Variants in PAX8 observed in about 807,000 individuals in gnomAD.
PAX8 encodes paired box 8, also known as paired box protein Pax-8.
In PAX8, 15 loss-of-function variants were observed where a neutral mutation model predicts 52.4. The ratio of observed to expected loss-of-function variants is 0.29; its 90% confidence interval spans 0.19 to 0.44. PAX8 has a LOEUF of 0.44. Ranked by LOEUF, PAX8 falls within the 20% of genes least tolerant of loss-of-function variation. The pLI, the probability that PAX8 is intolerant of heterozygous loss-of-function variation, is 1.00. For missense variants in PAX8, 554 were observed against 602.5 expected (o/e 0.92, Z 0.84); for synonymous variants, 284 against 249.7 (o/e 1.14, Z -1.29).
At chr2:113,222,932 C>T (rs1413609209) in intron 10 of PAX8, among the ~76,000 whole-genome samples, 1 of 151,934 alleles carries the variant, frequency 6.6e-6, no homozygotes, top group Non-Finnish European at 1.5e-5. Context: ...TGCTTTGTAA[C>T]TCAGTTGTCT....
At chr2:113,250,336 G>C (rs991535900) in intron 2 of PAX8, among the ~76,000 whole-genome samples, 9 of 151,688 alleles carry the variant, frequency 5.9e-5, no homozygotes, top group Admixed American at 1.3e-4. Flanking sequence ...AACAAATCTT[G>C]CTATAAATGT....
At chr2:113,263,818 T>C (rs1692862519) in intron 2 of PAX8, among the ~76,000 whole-genome samples, 1 of 152,148 alleles carries the variant, frequency 6.6e-6, no homozygotes, top group African/African-American at 2.4e-5. Flanking sequence ...AAAAAATCCC[T>C]GGGAGCTTGT....
chr2:113,235,314 A>G (rs559830742), intron 9 of PAX8, 80 bp downstream of exon 9: 2 of 1,225,010 alleles, frequency 1.6e-6, no homozygotes, highest in South Asian at 1.5e-5. Flanking sequence ...GAGGCCAGAG[A>G]GGGGGCTGGC....
intron 2 of PAX8, among the ~76,000 whole-genome samples, chr2:113,257,625 T>A (rs763520351): frequency 6.6e-6 from 1 of 151,952 alleles, no homozygotes; most frequent in Admixed American, 6.6e-5. Flanking sequence ...GATAAAGAGG[T>A]TTCCCTTGGA....
chr2:113,235,288 G>A (rs931085686), intron 9 of PAX8, 106 bp downstream of exon 9: 11 of 908,558 alleles, frequency 1.2e-5, no homozygotes, highest in Admixed American at 2.8e-5. Context: ...GGAACAGGGT[G>A]GGGGTGGATG....
intron 9 of PAX8, among the ~76,000 whole-genome samples, chr2:113,234,219 G>T (rs556803043): frequency 6.6e-6 from 1 of 152,316 alleles, no homozygotes; most frequent in African/African-American, 2.4e-5. Context: ...AAGACCATAT[G>T]GGTCTCTGCT....
In PAX8 at chr2:113,242,775, G is replaced by T; in HGVS notation, c.393C>A (p.Ile131=). 1 of 1,612,680 alleles carries T rather than the reference G, an allele frequency of 6.2e-7. No homozygotes were observed. Among genetic ancestry groups the T allele is most frequent in the South Asian group, 1.1e-5 (1 of 91,032 alleles). ...ATGGTTGCTGCACTTTGGTCCGGATGATTCTGTGATGAAGAGAAGAAAGGC... is the reference window on the plus strand; with the variant it reads ...ATGGTTGCTGCACTTTGGTCCGGATTATTCTGTGATGAAGAGAAGAAAGGC... ...TVPSVSSINR[I]IRTKVQQPFN... Residue 131 remains isoleucine (I), a synonymous_variant, in exon 5 of 12, where the codon ATC becomes ATA. Transcript: ENST00000429538.
rs1394094221 is a variant in PAX8, at chr2:113,220,171, T to C, written c.1197A>G (p.Glu399=). 1 of 1,613,348 alleles carries C rather than the reference T, an allele frequency of 6.2e-7. No homozygotes were observed. The highest frequency in any genetic ancestry group is 1.3e-5 in the African/African-American group (1 of 74,878). Residue 399 remains glutamate (E), a synonymous_variant, in exon 11 of 12, where the codon GAA becomes GAG. Coordinates refer to ENST00000429538, the MANE Select transcript of PAX8 (RefSeq NM_003466.4). ...TGTGGCCATAGGCATTGCCAGAGTATTCACTTCCTGTTGGAGGCACACAGG... is the reference window on the plus strand; with the variant it reads ...TGTGGCCATAGGCATTGCCAGAGTACTCACTTCCTGTTGGAGGCACACAGG... ...SAIAGMVAGS[E]YSGNAYGHTP...
chr2:113,242,616 C>T (rs1399454596), intron 5 of PAX8, 74 bp downstream of exon 5: 1 of 977,374 alleles, frequency 1.0e-6, no homozygotes, highest in Non-Finnish European at 1.7e-6. Flanking sequence ...GTGTGTGCCT[C>T]TGTGTATATG....
At position 113,235,596 on chromosome 2, in the gene PAX8, G is replaced by A; in HGVS notation, c.899-14C>T. On this transcript the variant is annotated splice_polypyrimidine_tract_variant and intron_variant, in intron 8 of 11. Transcript: ENST00000429538. ...GTGAGTGAGGATCTGCCGGAGGGAG[G>A]GAGACAACAAGGAGAGAGGGGTGTG... The A allele has an allele frequency of 1.3e-6, 2 of 1,600,006 alleles. No homozygotes were observed. Among genetic ancestry groups the A allele is most frequent in the Middle Eastern group, 1.7e-4 (1 of 5,996 alleles).
intron 4 of PAX8, 65 bp from the exon 5 acceptor site, chr2:113,242,843 G>T: frequency 7.7e-7 from 1 of 1,297,668 alleles, no homozygotes; most frequent in Non-Finnish European, 1.1e-6. Context: ...GGCTGCCCCA[G>T]ACCCAGTCGC....
At chr2:113,242,590 C>G in intron 5 of PAX8, 100 bp downstream of exon 5, 1 of 844,102 alleles carries the variant, frequency 1.2e-6, no homozygotes, top group Non-Finnish European at 2.1e-6. Flanking sequence ...ACAGCTATGT[C>G]TGTGTGGGTG....
intron 4 of PAX8, 33 bp downstream of exon 4, chr2:113,244,394 C>T: frequency 1.3e-6 from 2 of 1,576,672 alleles, no homozygotes; most frequent in Non-Finnish European, 1.7e-6. Context: ...CCAGGGGCCC[C>T]AGCCTGACAC....
At chr2:113,245,844 C>T (rs1691276258) in intron 3 of PAX8, among the ~76,000 whole-genome samples, 1 of 152,220 alleles carries the variant, frequency 6.6e-6, no homozygotes, top group Non-Finnish European at 1.5e-5. Flanking sequence ...CTTTCCCTAA[C>T]TACTTCAGGA....
At chr2:113,246,610 A>C in intron 3 of PAX8, 144 bp downstream of exon 3, 1 of 842,096 alleles carries the variant, frequency 1.2e-6, no homozygotes, top group African/African-American at 1.7e-5. Flanking sequence ...AAGGACCACC[A>C]TAACTGTTCA....
In PAX8 at chr2:113,241,669, C is replaced by T. The variant is rs919587560; in HGVS notation, c.659G>A (p.Arg220Gln). The T allele has an allele frequency of 2.0e-5, 33 of 1,614,022 alleles. No individual in the cohort carries two copies. The highest frequency in any genetic ancestry group is 6.7e-5 in the East Asian group (3 of 44,896). The change falls in exon 7 of 12, where the codon CGA becomes CAA. Residue 220 changes from arginine (R) to glutamine (Q), a missense_variant. Arg to Gln is a conservative substitution (Grantham distance 43). Around this residue, in one of 2 missense-constraint regions of PAX8, gnomAD observed 445 missense variants for 409.9 expected, o/e 1.09. Transcript: ENST00000429538. Reference protein sequence around the residue: ...IDSQSSSSGPRKHLRTDAFSQ... With the variant: ...IDSQSSSSGPQKHLRTDAFSQ... ...GAAGGCATCCGTGCGAAGGTGCTTT[C>T]GGGGTCCGCTGCTGCTGCTCTGTGA... is the stretch of plus-strand genomic sequence containing the variant.
At chr2:113,235,795 A>G in intron 8 of PAX8, 2 of 557,496 alleles carry the variant, frequency 3.6e-6, no homozygotes, top group Non-Finnish European at 6.4e-6. Flanking sequence ...TCTGCAGCGA[A>G]AATGGAGAGA....
Position 113,217,409 on chromosome 2 carries a change from T to TA in PAX8, c.*1123dup. 4.4e-6 allele frequency: 1 copy of TA among 227,088 alleles called. No homozygotes were observed. Among genetic ancestry groups the TA allele is most frequent in the Non-Finnish European group, 8.8e-6 (1 of 114,032 alleles). The allele number at this position is 227,088 out of a possible 1,614,324, so 14.1% of individuals were successfully genotyped here. A position where few individuals can be genotyped will look rare whatever the true frequency, so the allele number is the denominator to read the frequency against. ...TCATGTGGTAATGGCAGGTTGTCTTTAAAAAAAGAAAGAAGCATCAAGGAG... is the reference window on the plus strand; with the variant it reads ...TCATGTGGTAATGGCAGGTTGTCTTTAAAAAAAAGAAAGAAGCATCAAGGAG... On this transcript the variant is annotated 3_prime_UTR_variant, in exon 12 of 12. Transcript: ENST00000429538.
intron 1 of PAX8, 173 bp downstream of exon 1, chr2:113,278,658 T>G (rs1386492628): frequency 9.2e-6 from 6 of 649,408 alleles, no homozygotes; most frequent in Non-Finnish European, 1.5e-5. Context: ...GGATTGGGAG[T>G]GCGCTGAAGA....
Sources: allele counts gnomAD v4.1 joint callset (sites outside exome capture counted in the v4.1 genomes callset), GRCh38; gene constraint gnomAD v4.1.1; regional missense constraint gnomAD v4.1.1; transcripts MANE v1.5; gene names NCBI Gene and HGNC (gene_info 2026-07-23, HGNC 2026-07-21).